Variants in CFAP54 observed in about 807,000 individuals in gnomAD.
The protein encoded by CFAP54 is cilia and flagella associated protein 54.
Under a neutral mutation model 370.4 loss-of-function variants are expected in CFAP54, and 290 were observed. The ratio of observed to expected loss-of-function variants is 0.78; its 90% CI spans 0.71 to 0.86. The LOEUF is 0.86. Among genes scored for constraint, CFAP54 ranks in the 40% least tolerant of loss-of-function variants. The pLI, the probability that CFAP54 is intolerant of heterozygous loss-of-function variation, is 0.00. For synonymous variants in CFAP54, 1,206 were observed against 1,236.5 expected (o/e 0.98, Z 0.52); for missense variants, 3,399 against 3,528.7 (o/e 0.96, Z 0.93).
At chr12:96,873,547 C>T (rs998839998) in intron 67 of CFAP54, among the ~76,000 whole-genome samples, 1 of 152,168 alleles carries the variant, frequency 6.6e-6, no homozygotes, top group Non-Finnish European at 1.5e-5. Context: ...TCTAGTTTTC[C>T]TGTTGGCAGC....
chr12:96,775,606 GA>G (rs1372278422), intron 60 of CFAP54, among the ~76,000 whole-genome samples: 1 of 152,160 alleles, frequency 6.6e-6, no homozygotes, highest in Non-Finnish European at 1.5e-5. Context: ...GCTAGAGTTT[GA>G]CAACACCTGG....
intron 60 of CFAP54, among the ~76,000 whole-genome samples, chr12:96,780,940 A>G (rs1001296176): frequency 6.6e-6 from 1 of 152,214 alleles, no homozygotes. Flanking sequence ...AGGGGCTTGT[A>G]AAGACTCCAG....
At chr12:96,672,077 G>T (rs6538733) in intron 39 of CFAP54, among the ~76,000 whole-genome samples, 133,916 of 152,128 alleles carry the variant, frequency 0.88, 59,140 homozygotes, top group East Asian at 0.96. Context: ...TGTAGAGCTG[G>T]GGGTGGTGGC....
At chr12:96,489,962 C>G in intron 1 of CFAP54, 36 bp downstream of exon 1, 4 of 1,501,578 alleles carry the variant, frequency 2.7e-6, no homozygotes, top group Non-Finnish European at 3.5e-6. Flanking sequence ...GGGCGCCGGC[C>G]AGAGGAGGGA....
At chr12:96,681,370 C>CT (rs202097088) in intron 40 of CFAP54, among the ~76,000 whole-genome samples, 163 of 134,828 alleles carry the variant, frequency 1.2e-3, no homozygotes, top group Middle Eastern at 3.9e-3. Flanking sequence ...AAGGTTTTTC[C>CT]TTTTTTTTTT....
intron 39 of CFAP54, among the ~76,000 whole-genome samples, chr12:96,668,107 C>G (rs1957101971): frequency 6.6e-6 from 1 of 152,226 alleles, no homozygotes. Context: ...CAACAAGTCT[C>G]TAGGAAGTTC....
intron 22 of CFAP54, among the ~76,000 whole-genome samples, chr12:96,582,895 T>A (rs1257372719): frequency 6.6e-6 from 1 of 152,242 alleles, no homozygotes; most frequent in African/African-American, 2.4e-5. Flanking sequence ...CCTTAATTTA[T>A]AACTTAAGTT....
In CFAP54 at chr12:96,629,561, C is replaced by T. The variant is rs569254494; in HGVS notation, c.4104-532C>T. On this transcript the variant is annotated intron_variant, in intron 30 of 67. Transcript: ENST00000524981. ...ATCTCCTGACCTCGTGATCCACCCG[C>T]CTCAGCCTCCCAAAGTGCTGGGATT... Among the ~76,000 whole-genome samples the T allele has an allele frequency of 3.1e-3, 464 of 152,080 alleles. 3 individuals carry two copies. Among genetic ancestry groups the T allele is most frequent in the African/African-American group, 0.01 (424 of 41,468 alleles).
intron 67 of CFAP54, among the ~76,000 whole-genome samples, chr12:96,871,682 T>C (rs551907437): frequency 6.6e-6 from 1 of 152,110 alleles, no homozygotes; most frequent in African/African-American, 2.4e-5. Context: ...GATAAAGAGA[T>C]GGGGGATATC....
intron 36 of CFAP54, among the ~76,000 whole-genome samples, chr12:96,655,614 G>A: frequency 6.6e-6 from 1 of 151,906 alleles, no homozygotes; most frequent in African/African-American, 2.4e-5. Flanking sequence ...TGAAATTACA[G>A]GAATATCCTC....
rs1446251728 is a variant in CFAP54 at position 96,535,537 on chromosome 12, A to C, written c.1728A>C (p.Gly576=). The C allele has an allele frequency of 1.3e-6, 2 of 1,535,546 alleles. No homozygotes were observed. The highest frequency in any genetic ancestry group is 1.2e-5 in the South Asian group (1 of 84,006). ...TAGATACTTGTTTGAAGACTTGTGG[A>C]TATTCAGAGGATATTTTCCATTTGG... is the stretch of plus-strand genomic sequence containing the variant. ...AVHDTCLKTC[G]YSEDIFHLAA... Residue 576 remains glycine, a synonymous_variant, in exon 12 of 68, where the codon GGA becomes GGC. Coordinates refer to ENST00000524981, the MANE Select transcript of CFAP54 (RefSeq NM_001306084.2).
At chr12:96,826,949 TTA>T (rs1959121522) in intron 65 of CFAP54, among the ~76,000 whole-genome samples, 1 of 128,804 alleles carries the variant, frequency 7.8e-6, no homozygotes, top group South Asian at 2.2e-4. Flanking sequence ...TTATGTATGA[TTA>T]TATATAATAT....
intron 17 of CFAP54, among the ~76,000 whole-genome samples, chr12:96,556,117 A>G (rs1199819282): frequency 6.6e-6 from 1 of 152,038 alleles, no homozygotes; most frequent in African/African-American, 2.4e-5. Flanking sequence ...AGATGCACCA[A>G]AGAGTTAAAT....
At chr12:96,509,081 G>A (rs1226069541) in intron 4 of CFAP54, among the ~76,000 whole-genome samples, 2 of 152,214 alleles carry the variant, frequency 1.3e-5, no homozygotes, top group African/African-American at 4.8e-5. Flanking sequence ...GGACACAGGA[G>A]TGGACAGTAG....
rs559266533 is a variant in CFAP54 at position 96,719,797 on chromosome 12, A to G, written c.6805-608A>G. Reference sequence around the variant, plus strand: ...TACCATGCTTTTTGAATTTTTGTCAATATTTACAATGACCCTCCAGCATAG... The same window carrying G: ...TACCATGCTTTTTGAATTTTTGTCAGTATTTACAATGACCCTCCAGCATAG... On this transcript the variant is annotated intron_variant, in intron 49 of 67. Transcript: ENST00000524981. Among the ~76,000 whole-genome samples, 5 of 152,292 alleles carry G rather than the reference A, an allele frequency of 3.3e-5. No individual in the cohort carries two copies. In the South Asian group the frequency reaches 1.0e-3, roughly 32 times the overall value.
chr12:96,685,030 G>C lies in CFAP54; in HGVS notation c.5806G>C (p.Ala1936Pro). 1 of 1,613,624 alleles carries C rather than the reference G, an allele frequency of 6.2e-7. No individual in the cohort carries two copies. The highest frequency in any genetic ancestry group is 1.3e-5 in the African/African-American group (1 of 74,984). Residue 1936 changes from alanine (A) to proline (P), a missense_variant and splice_region_variant, in exon 42 of 68, where the codon GCT (alanine) becomes CCT (proline). Transcript: ENST00000524981. ...SLLIFAEKKR[A>P]AFKCWCQALD... Reference sequence around the variant, plus strand: ...CTTGATGCTTTGTCTCTGTTTTAGGGCTGCTTTTAAGTGTTGGTGTCAAGC... The same window carrying C: ...CTTGATGCTTTGTCTCTGTTTTAGGCCTGCTTTTAAGTGTTGGTGTCAAGC...
intron 38 of CFAP54, among the ~76,000 whole-genome samples, chr12:96,659,547 AT>A (rs1192607121): frequency 6.6e-6 from 1 of 152,212 alleles, no homozygotes; most frequent in East Asian, 1.9e-4. Context: ...ATATTCTTGT[AT>A]TTATACCAAC....
At chr12:96,728,873 G>GT (rs1291428519) in intron 50 of CFAP54, among the ~76,000 whole-genome samples, 2 of 152,158 alleles carry the variant, frequency 1.3e-5, no homozygotes, top group African/African-American at 2.4e-5. Flanking sequence ...TGTCCTTTCT[G>GT]TTTGTTAGTT....
At chr12:96,616,046 A>G (rs540667401) in intron 26 of CFAP54, among the ~76,000 whole-genome samples, 69 of 151,722 alleles carry the variant, frequency 4.5e-4, no homozygotes, top group South Asian at 4.4e-3. Context: ...TCATGCTGCT[A>G]TAAAGACACA....
Sources: allele counts gnomAD v4.1 joint callset (sites outside exome capture counted in the v4.1 genomes callset), GRCh38; gene constraint gnomAD v4.1.1; transcripts MANE v1.5; gene names NCBI Gene and HGNC (gene_info 2026-07-23, HGNC 2026-07-21).